Variants in MFN2 observed in about 807,000 individuals in gnomAD.
The protein encoded by MFN2 is mitofusin 2, also known as mitofusin-2.
A neutral mutation model predicts 87.5 loss-of-function variants in MFN2; 43 were observed. The observed-to-expected ratio is 0.49, with a 90% CI of 0.38 to 0.63. The LOEUF is 0.63. Among genes scored for constraint, MFN2 ranks in the 30% least tolerant of loss-of-function variants. The pLI, the probability that MFN2 is intolerant of heterozygous loss-of-function variation, is 0.00. For synonymous variants in MFN2, 337 were observed against 359.9 expected (o/e 0.94, Z 0.72); for missense variants, 743 against 972.8 (o/e 0.76, Z 3.14).
chr1:11,991,342 G>A (rs1337510208), intron 3 of MFN2, among the ~76,000 whole-genome samples: 1 of 152,192 alleles, frequency 6.6e-6, no homozygotes, highest in African/African-American at 2.4e-5. Context: ...AGGGTGCTGG[G>A]GCACACAGAG....
At chr1:12,002,181 A>G in intron 11 of MFN2, 78 bp downstream of exon 11, 1 of 1,609,120 alleles carries the variant, frequency 6.2e-7, no homozygotes, top group Non-Finnish European at 8.5e-7. Context: ...GGCAGTTAGG[A>G]CACGCCTTGA....
At chr1:11,990,707 C>T (rs764079528) in intron 3 of MFN2, among the ~76,000 whole-genome samples, 1 of 152,200 alleles carries the variant, frequency 6.6e-6, no homozygotes, top group Non-Finnish European at 1.5e-5. Context: ...CTGTTTCTAA[C>T]GGGCAGGTAA....
intron 3 of MFN2, 138 bp from the exon 4 acceptor site, chr1:11,992,417 G>C (rs1638726621): frequency 9.4e-7 from 1 of 1,067,758 alleles, no homozygotes; most frequent in African/African-American, 1.6e-5. Context: ...AGAGGATCTG[G>C]AGCTCAGCCT....
intron 15 of MFN2, 79 bp from the exon 16 acceptor site, chr1:12,006,459 G>T: frequency 6.4e-7 from 1 of 1,573,052 alleles, no homozygotes; most frequent in South Asian, 1.1e-5. Context: ...CTGTTCCCCA[G>T]ACTAGGGCAA....
chr1:12,011,773 C>T lies in MFN2; in HGVS notation c.*208C>T. The T allele has an allele frequency of 1.6e-6, 1 of 615,836 alleles. No individual in the cohort carries two copies. Among genetic ancestry groups the T allele is most frequent in the Non-Finnish European group, 2.9e-6 (1 of 345,786 alleles). 38.1% of individuals were successfully genotyped at this position (615,836 alleles called of 1,614,324 possible). ...GTTGCTGGAAGAGCTGGCTCATACC[C>T]CCAAAGGACACTTTCAGCGACAGCT... On this transcript the variant is annotated 3_prime_UTR_variant, in exon 19 of 19. Coordinates refer to ENST00000235329, the MANE Select transcript of MFN2 (RefSeq NM_014874.4).
chr1:11,992,748 T>C, intron 4 of MFN2, 58 bp downstream of exon 4: 1 of 1,611,116 alleles, frequency 6.2e-7, no homozygotes, highest in Non-Finnish European at 8.5e-7. Flanking sequence ...AGGGAGGCAC[T>C]TTGTGCAAGG....
rs556084393 is a variant in MFN2, at chr1:12,003,909, G to A, written c.1161-83G>A. 3.2e-5 allele frequency: 50 copies of A among 1,569,590 alleles called. 1 individual carries two copies. The South Asian group carries it at 3.8e-4, about 12-fold the overall frequency. Reference sequence around the variant, plus strand: ...TGCCAGGCAAGATAGCGGGCAGGGCGGCGTGGGATTTCTGGCATCCCCTCT... The same window carrying A: ...TGCCAGGCAAGATAGCGGGCAGGGCAGCGTGGGATTTCTGGCATCCCCTCT... On this transcript the variant is annotated intron_variant, in intron 11 of 18. Transcript: ENST00000235329. The surrounding 1 kb of genome is among the most constrained non-coding windows in gnomAD (Gnocchi z 4.1).
At chr1:11,988,092 GTGTGTGTGTGTGTGTGTTTT>G (rs1403460662) in intron 2 of MFN2, among the ~76,000 whole-genome samples, 8 of 151,686 alleles carry the variant, frequency 5.3e-5, no homozygotes, top group Non-Finnish European at 7.4e-5. Flanking sequence ...TTTTGTGTGT[GTGTGTGTGTGTGTGTGTTTT>G]TCTTTGTTGA....
intron 8 of MFN2, among the ~76,000 whole-genome samples, chr1:12,000,212 G>A (rs1639112006): frequency 6.6e-6 from 1 of 152,022 alleles, no homozygotes; most frequent in Non-Finnish European, 1.5e-5. Flanking sequence ...TTTTTTTCGA[G>A]ATGGAGTTTT....
chr1:11,999,696 G>T (rs1407670731), intron 8 of MFN2, among the ~76,000 whole-genome samples: 1 of 152,066 alleles, frequency 6.6e-6, no homozygotes, highest in African/African-American at 2.4e-5. Context: ...AGACAAAAGG[G>T]TAACAAACGG....
intron 3 of MFN2, among the ~76,000 whole-genome samples, chr1:11,990,460 G>A (rs1349024598): frequency 6.6e-6 from 1 of 152,236 alleles, no homozygotes; most frequent in East Asian, 1.9e-4. Flanking sequence ...CAGAGATGGG[G>A]TAGATCAGGC....
chr1:12,002,531 T>G (rs1557528843), intron 11 of MFN2, among the ~76,000 whole-genome samples: 1 of 152,086 alleles, frequency 6.6e-6, no homozygotes, highest in African/African-American at 2.4e-5. Context: ...CTACAAGAAT[T>G]TTAAAAATCA....
chr1:11,994,993 C>G (rs1040310116), intron 4 of MFN2, among the ~76,000 whole-genome samples: 3 of 151,950 alleles, frequency 2.0e-5, no homozygotes, highest in African/African-American at 7.3e-5. Flanking sequence ...CCTGTAATCT[C>G]AGCACTGGGA....
At position 11,992,626 on chromosome 1, in the gene MFN2, T is replaced by G; in HGVS notation, c.247T>G (p.Ser83Ala). The G allele has an allele frequency of 1.2e-6, 2 of 1,614,120 alleles. No homozygotes were observed. The highest frequency in any genetic ancestry group is 1.7e-6 in the Non-Finnish European group (2 of 1,180,020). Residue 83 changes from serine (S) to alanine (A), a missense_variant, in exon 4 of 19, where the codon TCC (serine) becomes GCC (alanine). Coordinates refer to ENST00000235329, the MANE Select transcript of MFN2 (RefSeq NM_014874.4). ...GGTTCTGGACGTCAAAGGTTACCTA[T>G]CCAAAGTGAGAGGCATCAGTGAGGT... Reference protein sequence around the residue: ...EQVLDVKGYLSKVRGISEVLA... With the variant: ...EQVLDVKGYLAKVRGISEVLA...
At chr1:11,994,765 T>A (rs1176413911) in intron 4 of MFN2, among the ~76,000 whole-genome samples, 1 of 152,068 alleles carries the variant, frequency 6.6e-6, no homozygotes, top group Non-Finnish European at 1.5e-5. Context: ...ACCTGGGAGG[T>A]ATGACCCCCT....
chr1:11,986,419 C>T (rs1638408481), intron 2 of MFN2, among the ~76,000 whole-genome samples: 1 of 152,106 alleles, frequency 6.6e-6, no homozygotes, highest in African/African-American at 2.4e-5. Context: ...CACACACCCC[C>T]TCATCCAGGA....
chr1:11,991,399 G>T (rs1638667648), intron 3 of MFN2, among the ~76,000 whole-genome samples: 1 of 152,196 alleles, frequency 6.6e-6, no homozygotes, highest in South Asian at 2.1e-4. Flanking sequence ...GTCAGAGAAG[G>T]CTTCCTGGGG....
chr1:12,007,835 GA>G (rs1319048613), intron 17 of MFN2, among the ~76,000 whole-genome samples: 4 of 152,046 alleles, frequency 2.6e-5, no homozygotes, highest in African/African-American at 9.7e-5. Flanking sequence ...ATAGTGGAGG[GA>G]AGGTCAGCAG....
chr1:11,982,879 C>T (rs1028665423), intron 2 of MFN2, among the ~76,000 whole-genome samples: 1 of 152,008 alleles, frequency 6.6e-6, no homozygotes, highest in Non-Finnish European at 1.5e-5. Flanking sequence ...GTGTGATCCT[C>T]GGGATTTTAA....
Sources: gnomAD v4.1 joint callset for allele counts (sites outside exome capture counted in the v4.1 genomes callset) on GRCh38, gnomAD v4.1.1 for gene constraint, Gnocchi (gnomAD v3.1) non-coding constraint, MANE v1.5 for transcripts, NCBI Gene and HGNC (gene_info 2026-07-23, HGNC 2026-07-21) for gene names.